The following MBLAC2 variants were observed in gnomAD, a reference collection of about 807,000 sequenced individuals.
The protein encoded by MBLAC2 is acyl-coenzyme A thioesterase MBLAC2.
Under a neutral mutation model 23.3 loss-of-function variants are expected in MBLAC2, and 24 were observed. The observed-to-expected ratio is 1.03, with a 90% CI of 0.75 to 1.45. The LOEUF (loss-of-function observed/expected upper bound fraction) is 1.45. MBLAC2 is among the 40% of genes most tolerant of loss of function. The pLI, the probability that MBLAC2 is intolerant of heterozygous loss-of-function variation, is 0.00. For synonymous variants in MBLAC2, 162 were observed against 150.9 expected (o/e 1.07, Z -0.54); for missense variants, 358 against 370.0 (o/e 0.97, Z 0.27).
chr5:90,474,519 C>G lies in MBLAC2; in HGVS notation c.-227G>C. 3.7e-6 allele frequency: 2 copies of G among 543,740 alleles called. No individual in the cohort carries two copies. The highest frequency in any genetic ancestry group is 2.3e-5 in the South Asian group (1 of 42,944). 33.7% of individuals were successfully genotyped at this position (543,740 alleles called of 1,614,324 possible). On this transcript the variant is annotated 5_prime_UTR_variant, in exon 1 of 2. Transcript: ENST00000316610. ...CCGCACCCTTCCGCCAGGTCGGCAG[C>G]AAGCAGAGGCTGCGCCACCAGCACG...
chr5:90,471,233 C>G (rs1392746836), intron 1 of MBLAC2, among the ~76,000 whole-genome samples: 1 of 152,160 alleles, frequency 6.6e-6, no homozygotes, highest in Non-Finnish European at 1.5e-5. Flanking sequence ...CACCACCTTC[C>G]TACAACCTGT....
At chr5:90,463,081 G>T (rs1294792501) in intron 1 of MBLAC2, among the ~76,000 whole-genome samples, 1 of 152,174 alleles carries the variant, frequency 6.6e-6, no homozygotes, top group African/African-American at 2.4e-5. Context: ...ATAACATGTA[G>T]TCTTTTTGTT....
Position 90,460,879 on chromosome 5 carries a change from C to T in MBLAC2, c.*288G>A, listed in dbSNP as rs1172644959. The T allele has an allele frequency of 8.0e-6, 2 of 249,526 alleles. No individual in the cohort carries two copies. The highest frequency in any genetic ancestry group is 7.6e-6 in the Non-Finnish European group (1 of 131,074). 15.5% of individuals were successfully genotyped at this position (249,526 alleles called of 1,614,324 possible). On this transcript the variant is annotated 3_prime_UTR_variant, in exon 2 of 2. Transcript: ENST00000316610. ...AACAGAGGCAAGGGCAGTTCTCTTG[C>T]CACAAAATCTCTCTTTGCTTCCCCA...
At chr5:90,470,772 ACACACACACACAC>A (rs1228003353) in intron 1 of MBLAC2, among the ~76,000 whole-genome samples, 1 of 148,080 alleles carries the variant, frequency 6.8e-6, no homozygotes, top group African/African-American at 2.5e-5. Flanking sequence ...ACACACACAC[ACACACACACACAC>A]GCTTTCTTTC....
In MBLAC2 at chr5:90,474,402, G is replaced by A; in HGVS notation, c.-110C>T. ...GTGAAGCGGTCTGCCTGCAGCCAGG[G>A]AGGAGGCGTAGAGCGAGGCGGGGGC... On this transcript the variant is annotated 5_prime_UTR_variant, in exon 1 of 2. Coordinates refer to ENST00000316610, the MANE Select transcript of MBLAC2 (RefSeq NM_203406.2). 9.8e-7 allele frequency: 1 copy of A among 1,024,304 alleles called. No homozygotes were observed. The highest frequency in any genetic ancestry group is 1.4e-5 in the South Asian group (1 of 71,828). 63.5% of individuals were successfully genotyped at this position (1,024,304 alleles called of 1,614,324 possible). A position where few individuals can be genotyped will look rare whatever the true frequency, so the allele number is the denominator to read the frequency against.
intron 1 of MBLAC2, among the ~76,000 whole-genome samples, chr5:90,464,297 G>A (rs1217696774): frequency 6.6e-6 from 1 of 152,274 alleles, no homozygotes; most frequent in African/African-American, 2.4e-5. Context: ...CATCAGGCCT[G>A]GTGCGGTAGC....
rs754029785 is a variant in MBLAC2, at chr5:90,461,356, T to A, written c.651A>T (p.Glu217Asp). The change falls in exon 2 of 2, where the codon GAA (glutamate) becomes GAT (aspartate). Residue 217 changes from glutamate (E) to aspartate (D), a missense_variant. Physicochemically the swap from Glu to Asp is conservative, Grantham distance 45. Transcript: ENST00000316610. ...TCTCTACCAGACCTCTGTCCACTAATTCTATTAGACGTTCACAAGTTCCAA... is the reference window on the plus strand; with the variant it reads ...TCTCTACCAGACCTCTGTCCACTAAATCTATTAGACGTTCACAAGTTCCAA... The part of the protein sequence containing the change: ...DYVGTCERLI[E>D]LVDRGLVEKV... 1.2e-6 allele frequency: 2 copies of A among 1,614,062 alleles called. No homozygotes were observed. Among genetic ancestry groups the A allele is most frequent in the Admixed American group, 1.7e-5 (1 of 60,002 alleles).
Position 90,461,375 on chromosome 5 carries a change from G to C in MBLAC2, c.632C>G (p.Thr211Ser). Residue 211 changes from threonine to serine, a missense_variant, in exon 2 of 2, where the codon ACT becomes AGT. Physicochemically the swap from Thr to Ser is moderately conservative, Grantham distance 58 (BLOSUM62 1). Coordinates refer to ENST00000316610, the MANE Select transcript of MBLAC2 (RefSeq NM_203406.2). ...CACTAATTCTATTAGACGTTCACAA[G>C]TTCCAACATAGTCACTTATCCTGCT... ...PYSRISDYVG[T>S]CERLIELVDR... The C allele has an allele frequency of 6.2e-7, 1 of 1,614,160 alleles. No homozygotes were observed. The highest frequency in any genetic ancestry group is 8.5e-7 in the Non-Finnish European group (1 of 1,179,998).
At chr5:90,463,132 G>A (rs1354435289) in intron 1 of MBLAC2, among the ~76,000 whole-genome samples, 1 of 152,248 alleles carries the variant, frequency 6.6e-6, no homozygotes, top group Non-Finnish European at 1.5e-5. Flanking sequence ...CGCCCCGGCT[G>A]GAGTGCAGTG....
intron 1 of MBLAC2, among the ~76,000 whole-genome samples, chr5:90,462,179 T>C (rs1392342471): frequency 3.3e-5 from 5 of 152,136 alleles, no homozygotes; most frequent in Non-Finnish European, 2.9e-5. Context: ...TCTGTCAGAA[T>C]ACATTAAACT....
Position 90,474,174 on chromosome 5 carries a change from T to C in MBLAC2, c.119A>G (p.Gln40Arg), listed in dbSNP as rs1750647302. ...ANIWLVRGSE[Q>R]DVVIDTGLGL... Reference sequence around the variant, plus strand: ...CAGGCCTGTATCGATCACCACGTCCTGCTCGGAGCCGCGCACCAGCCAGAT... The same window carrying C: ...CAGGCCTGTATCGATCACCACGTCCCGCTCGGAGCCGCGCACCAGCCAGAT... Residue 40 changes from glutamine (Q) to arginine (R), a missense_variant, in exon 1 of 2, where the codon CAG becomes CGG. Coordinates refer to ENST00000316610, the MANE Select transcript of MBLAC2 (RefSeq NM_203406.2). 1 of 1,604,752 alleles carries C rather than the reference T, an allele frequency of 6.2e-7. No homozygotes were observed. The highest frequency in any genetic ancestry group is 8.5e-7 in the Non-Finnish European group (1 of 1,175,566).
At chr5:90,469,464 C>A (rs544491581) in intron 1 of MBLAC2, among the ~76,000 whole-genome samples, 1 of 146,388 alleles carries the variant, frequency 6.8e-6, no homozygotes, top group South Asian at 2.1e-4. Flanking sequence ...GTTTTAAATT[C>A]TAAGAGTTTT....
At chr5:90,466,842 T>C (rs1750454758) in intron 1 of MBLAC2, among the ~76,000 whole-genome samples, 1 of 152,020 alleles carries the variant, frequency 6.6e-6, no homozygotes, top group African/African-American at 2.4e-5. Context: ...AAACCAAGTG[T>C]TGAAAAAGAT....
At position 90,474,379 on chromosome 5, in the gene MBLAC2, G is replaced by A; in HGVS notation, c.-87C>T. ...CACACACAGGGCACTGCGGCTGTGT[G>A]AAGCGGTCTGCCTGCAGCCAGGGAG... On this transcript the variant is annotated 5_prime_UTR_variant, in exon 1 of 2. Transcript: ENST00000316610. 1 of 1,263,124 alleles carries A rather than the reference G, an allele frequency of 7.9e-7. No homozygotes were observed. Among genetic ancestry groups the A allele is most frequent in the Non-Finnish European group, 1.1e-6 (1 of 885,840 alleles). The allele number at this position is 1,263,124 out of a possible 1,614,324, so 78.2% of individuals were successfully genotyped here. A position where few individuals can be genotyped will look rare whatever the true frequency, so the allele number is the denominator to read the frequency against.
chr5:90,470,752 G>GCACACACACA (rs1355342232), intron 1 of MBLAC2, among the ~76,000 whole-genome samples: 2 of 55,280 alleles, frequency 3.6e-5, no homozygotes, highest in Non-Finnish European at 6.9e-5. Flanking sequence ...AAACTAGCGC[G>GCACACACACA]CGCGCACACA....
In MBLAC2 at chr5:90,474,145, G is replaced by A. The variant is rs992594985; in HGVS notation, c.148C>T (p.Leu50=). 7.5e-6 allele frequency: 12 copies of A among 1,592,786 alleles called. No homozygotes were observed. The African/African-American group carries it at 1.3e-4, about 18-fold the overall frequency. The change falls in exon 1 of 2, where the codon CTG becomes TTG. Residue 50 remains leucine (L), a synonymous_variant. Coordinates refer to ENST00000316610, the MANE Select transcript of MBLAC2 (RefSeq NM_203406.2). ...QDVVIDTGLG[L]RSLPEYLYSS... is the part of the protein sequence containing the mutation. ...TACAGGTACTCCGGGAGGCTGCGCA[G>A]CCCCAGGCCTGTATCGATCACCACG...
At position 90,461,464 on chromosome 5, in the gene MBLAC2, G is replaced by A. The variant is rs374812832; in HGVS notation, c.543C>T (p.Asp181=). Residue 181 remains aspartate (D), a synonymous_variant, in exon 2 of 2, where the codon GAC becomes GAT. Transcript: ENST00000316610. ...SRGSICLHDK[D]RKILFSGDVV... The stretch of plus-strand genomic sequence containing the variant: ...CGTCTCCACTGAAGAGAATCTTTCG[G>A]TCTTTGTCATGTAAGCAAATACTGC... The A allele has an allele frequency of 5.6e-6, 9 of 1,614,124 alleles. No individual in the cohort carries two copies. Among genetic ancestry groups the A allele is most frequent in the Non-Finnish European group, 5.9e-6 (7 of 1,180,016 alleles).
Position 90,473,369 on chromosome 5 carries a change from C to G in MBLAC2, c.454+470G>C, listed in dbSNP as rs1317142929. The G allele has an allele frequency of 1.1e-5, 4 of 371,130 alleles. No individual in the cohort carries two copies. In the East Asian group the frequency reaches 2.1e-4, roughly 20 times the overall value. The allele number at this position is 371,130 out of a possible 1,614,324, so 23.0% of individuals were successfully genotyped here. ...AGGCTACAGGTGGGAACTGCCCATA[C>G]CCGGTGGGGACCAAGCTGATGAAGT... On this transcript the variant is annotated intron_variant, in intron 1 of 1. Coordinates refer to ENST00000316610, the MANE Select transcript of MBLAC2 (RefSeq NM_203406.2).
In MBLAC2 at chr5:90,473,830, G is replaced by A. The variant is rs3763072; in HGVS notation, c.454+9C>T. On this transcript the variant is annotated intron_variant, in intron 1 of 1. Coordinates refer to ENST00000316610, the MANE Select transcript of MBLAC2 (RefSeq NM_203406.2). ...TTAACGAGAGCGCGCGCCCGCGGGG[G>A]CCCATTACCATCCTGCAGGATGAGG... 496,316 of 1,565,514 alleles carry A rather than the reference G, an allele frequency of 0.32. 81,586 individuals carry two copies. Among genetic ancestry groups the A allele is most frequent in the East Asian group, 0.55 (23,354 of 42,144 alleles).
Sources: allele counts gnomAD v4.1 joint callset (sites outside exome capture counted in the v4.1 genomes callset), GRCh38; gene constraint gnomAD v4.1.1; transcripts MANE v1.5; gene names NCBI Gene and HGNC (gene_info 2026-07-23, HGNC 2026-07-21).